STT3B: variants seen among roughly 807,000 people sequenced by gnomAD.
STT3B encodes dolichyl-diphosphooligosaccharide--protein glycosyltransferase subunit STT3B.
In STT3B, 29 loss-of-function variants were observed where a neutral mutation model predicts 96.8. The ratio of observed to expected loss-of-function variants is 0.30; its 90% CI spans 0.22 to 0.41. STT3B has a LOEUF of 0.41. Among genes scored for constraint, STT3B ranks in the 10% least tolerant of loss-of-function variants. The pLI is 1.00. For missense variants in STT3B, 640 were observed against 1,022.3 expected, an observed-to-expected ratio of 0.63 and a Z score of 5.10; for synonymous variants, 367 against 360.0, an observed-to-expected ratio of 1.02 and a Z score of -0.22.
At chr3:31,599,891 A>G (rs1372265691) in intron 4 of STT3B, among the ~76,000 whole-genome samples, 7 of 152,156 alleles carry the variant, frequency 4.6e-5, no homozygotes, top group African/African-American at 1.7e-4. Flanking sequence ...CTCAAAGCGT[A>G]TTCATGTCAT....
chr3:31,577,095 T>A (rs1376151311), intron 2 of STT3B, among the ~76,000 whole-genome samples: 6 of 152,190 alleles, frequency 3.9e-5, no homozygotes, highest in South Asian at 4.1e-4. Flanking sequence ...TTGATTTTTT[T>A]AAATCAATTT....
intron 1 of STT3B, among the ~76,000 whole-genome samples, chr3:31,536,554 GACTC>G (rs1697103751): frequency 6.6e-6 from 1 of 152,164 alleles, no homozygotes; most frequent in Non-Finnish European, 1.5e-5. Flanking sequence ...TTGTGTAAAA[GACTC>G]AAGTTAGCTG....
chr3:31,603,790 G>T (rs192594723), intron 5 of STT3B, among the ~76,000 whole-genome samples: 7 of 152,258 alleles, frequency 4.6e-5, no homozygotes, highest in South Asian at 2.1e-4. Context: ...TTTTTTAATT[G>T]CAGTGTTGCC....
chr3:31,555,114 T>C (rs1697672012), intron 1 of STT3B, among the ~76,000 whole-genome samples: 1 of 152,170 alleles, frequency 6.6e-6, no homozygotes, highest in Non-Finnish European at 1.5e-5. Context: ...GTTTTTGTTT[T>C]GCAACCTCTG....
At chr3:31,598,952 G>A (rs1698858201) in intron 4 of STT3B, among the ~76,000 whole-genome samples, 1 of 151,996 alleles carries the variant, frequency 6.6e-6, no homozygotes, top group Admixed American at 6.6e-5. Flanking sequence ...TGGGATTACA[G>A]GCATGTGCCA....
chr3:31,555,350 CA>C (rs1469132778), intron 1 of STT3B, among the ~76,000 whole-genome samples: 6 of 151,994 alleles, frequency 3.9e-5, no homozygotes, highest in Non-Finnish European at 2.9e-5. Flanking sequence ...ATGATTCTTG[CA>C]AAAAATTGTT....
At chr3:31,609,883 G>A (rs2125468807) in intron 5 of STT3B, among the ~76,000 whole-genome samples, 1 of 152,302 alleles carries the variant, frequency 6.6e-6, no homozygotes, top group African/African-American at 2.4e-5. Context: ...TTTTAAAAAT[G>A]TTGTGATTAA....
At chr3:31,616,559 C>G (rs945733012) in intron 6 of STT3B, among the ~76,000 whole-genome samples, 1 of 151,772 alleles carries the variant, frequency 6.6e-6, no homozygotes, top group African/African-American at 2.4e-5. Flanking sequence ...CAAAACAAAT[C>G]GGAGAATTGT....
chr3:31,579,716 A>T, intron 2 of STT3B, 93 bp from the exon 3 acceptor site: 1 of 978,984 alleles, frequency 1.0e-6, no homozygotes, highest in Non-Finnish European at 1.4e-6. Flanking sequence ...AACTTATGTA[A>T]GGTAAACAAA....
intron 9 of STT3B, chr3:31,620,412 G>T (rs1022937841): frequency 2.0e-5 from 3 of 151,952 alleles, no homozygotes; most frequent in African/African-American, 7.3e-5. Context: ...TTTTAACTTT[G>T]TTGACAATAG....
chr3:31,594,047 T>G (rs1343729111), intron 3 of STT3B, among the ~76,000 whole-genome samples: 1 of 152,174 alleles, frequency 6.6e-6, no homozygotes, highest in Non-Finnish European at 1.5e-5. Context: ...ATTTTCTATT[T>G]CAAAGCCTCT....
chr3:31,557,358 C>T (rs1172278188), intron 1 of STT3B, among the ~76,000 whole-genome samples: 1 of 152,072 alleles, frequency 6.6e-6, no homozygotes, highest in Non-Finnish European at 1.5e-5. Context: ...TCTCACTCTT[C>T]CTTGGTTCTT....
intron 1 of STT3B, among the ~76,000 whole-genome samples, chr3:31,540,355 T>C (rs1444170821): frequency 6.6e-6 from 1 of 152,168 alleles, no homozygotes; most frequent in Non-Finnish European, 1.5e-5. Context: ...AAAAGGGAAA[T>C]GTTACTGCAT....
chr3:31,611,826 T>C (rs1699186665), intron 5 of STT3B, among the ~76,000 whole-genome samples: 1 of 152,160 alleles, frequency 6.6e-6, no homozygotes, highest in Non-Finnish European at 1.5e-5. Flanking sequence ...AGAATTGAGT[T>C]ACTTCACCAT....
Position 31,581,238 on chromosome 3 carries a change from G to T in STT3B, c.711+1142G>T, listed in dbSNP as rs1337815235. On this transcript the variant is annotated intron_variant, in intron 3 of 15. Transcript: ENST00000295770. ...GTGATAATGGGTTTTCCTGAGGGTG[G>T]GTGGGTGATACTGAGGTGGGCAATA... Among the ~76,000 whole-genome samples, 4 of 152,002 alleles carry T rather than the reference G, an allele frequency of 2.6e-5. No individual in the cohort carries two copies. In the East Asian group the frequency reaches 7.7e-4, roughly 29 times the overall value.
chr3:31,551,657 CTG>C (rs1337580020), intron 1 of STT3B, among the ~76,000 whole-genome samples: 1 of 152,146 alleles, frequency 6.6e-6, no homozygotes, highest in Non-Finnish European at 1.5e-5. Flanking sequence ...TAACAACAAA[CTG>C]TTATAGGTGG....
In STT3B at chr3:31,548,863, T is replaced by C. The variant is rs578008067; in HGVS notation, c.314+15551T>C. ...GACCACATATTCCAGAAATTACACT[T>C]CTAAGCAAAATAATCTTTGATAATT... On this transcript the variant is annotated intron_variant, in intron 1 of 15. Coordinates refer to ENST00000295770, the MANE Select transcript of STT3B (RefSeq NM_178862.3). 3.9e-5 allele frequency among the ~76,000 whole-genome samples: 6 copies of C among 152,278 alleles called. No individual in the cohort carries two copies. In the East Asian group the frequency reaches 1.2e-3, roughly 29 times the overall value.
At chr3:31,571,425 T>TA (rs781415172) in intron 1 of STT3B, among the ~76,000 whole-genome samples, 20 of 152,140 alleles carry the variant, frequency 1.3e-4, no homozygotes, top group Admixed American at 2.0e-4. Flanking sequence ...AAATGAATTA[T>TA]AGTGCCTACT....
At chr3:31,620,929 G>A (rs1186059582) in intron 9 of STT3B, among the ~76,000 whole-genome samples, 1 of 152,148 alleles carries the variant, frequency 6.6e-6, no homozygotes, top group Admixed American at 6.5e-5. Context: ...CCTGGATGAG[G>A]CCCTGTTAAT....
Sources: gnomAD v4.1 joint callset for allele counts (sites outside exome capture counted in the v4.1 genomes callset) on GRCh38, gnomAD v4.1.1 for gene constraint, MANE v1.5 for transcripts, NCBI Gene and HGNC (gene_info 2026-07-23, HGNC 2026-07-21) for gene names.